SKOR2: variants seen among roughly 807,000 people sequenced by gnomAD.
SKOR2 encodes LBX1 corepressor 1-like protein.
A neutral mutation model predicts 69.1 loss-of-function variants in SKOR2; 47 were observed. The observed-to-expected ratio is 0.68, with a 90% CI of 0.54 to 0.87. The LOEUF (loss-of-function observed/expected upper bound fraction) is 0.87. SKOR2 is among the 40% of genes least tolerant of loss of function. SKOR2 has a pLI of 0.00. For missense variants in SKOR2, 1,404 were observed against 1,472.2 expected (o/e 0.95, Z 0.76); for synonymous variants, 717 against 672.6 (o/e 1.07, Z -1.02).
chr18:47,236,773 G>T (rs902554820), intron 4 of SKOR2, among the ~76,000 whole-genome samples: 1 of 151,976 alleles, frequency 6.6e-6, no homozygotes, highest in African/African-American at 2.4e-5. Context: ...CCAGTCGATG[G>T]TATTATTTTT....
intron 7 of SKOR2, 141 bp from the exon 8 acceptor site, chr18:47,212,292 T>C (rs1354429976): frequency 1.4e-6 from 1 of 706,096 alleles, no homozygotes; most frequent in Non-Finnish European, 2.0e-6. Context: ...TGCTCAGCGG[T>C]ATGAGGTTTC....
Position 47,245,478 on chromosome 18 carries a change from A to ATTTTTTAT in SKOR2, c.2677+19_2677+20insATAAAAAA. On this transcript the variant is annotated intron_variant, in intron 3 of 8. Transcript: ENST00000425639. Reference sequence around the variant, plus strand: ...ATGCAGGCAAGAAAAGTGGCAGCTGATTTTTTTTTTTTTTTTTACCTGAAA... The same window carrying ATTTTTTAT: ...ATGCAGGCAAGAAAAGTGGCAGCTGATTTTTTATTTTTTTTTTTTTTTTTTACCTGAAA... 1 of 1,194,644 alleles carries ATTTTTTAT rather than the reference A, an allele frequency of 8.4e-7. No homozygotes were observed. Among genetic ancestry groups the ATTTTTTAT allele is most frequent in the Non-Finnish European group, 1.1e-6 (1 of 933,368 alleles). The allele number at this position is 1,194,644 out of a possible 1,614,324, so 74.0% of individuals were successfully genotyped here. A position where few individuals can be genotyped will look rare whatever the true frequency, so the allele number is the denominator to read the frequency against.
intron 6 of SKOR2, among the ~76,000 whole-genome samples, chr18:47,221,552 C>A (rs180804909): frequency 1.9e-3 from 287 of 152,332 alleles, no homozygotes; most frequent in African/African-American, 6.5e-3. Flanking sequence ...TGTGCCTTTG[C>A]CCCTGCTGTG....
At chr18:47,227,326 A>ATTTTTTTTTTTT (rs778462203) in intron 6 of SKOR2, among the ~76,000 whole-genome samples, 1 of 91,132 alleles carries the variant, frequency 1.1e-5, no homozygotes, top group East Asian at 2.7e-4. Flanking sequence ...CAAGAAGCCA[A>ATTTTTTTTTTTT]TTTTTTTTTT....
chr18:47,207,467 C>A (rs2144469721), intron 8 of SKOR2, among the ~76,000 whole-genome samples: 1 of 152,278 alleles, frequency 6.6e-6, no homozygotes, highest in African/African-American at 2.4e-5. Context: ...AGACCACAGG[C>A]AACTTACTCA....
chr18:47,247,572 T>C lies in SKOR2; in HGVS notation c.1612A>G (p.Asn538Asp). ...PPGQPPQVVA[N>D]GPGSGPPPPA... ...GGAGGTGGGCCGGAGCCCGGGCCGTTGGCCACTACCTGCGGGGGCTGCCCC... is the reference window on the plus strand; with the variant it reads ...GGAGGTGGGCCGGAGCCCGGGCCGTCGGCCACTACCTGCGGGGGCTGCCCC... The change falls in exon 2 of 9, where the codon AAC becomes GAC. Residue 538 changes from asparagine (N) to aspartate (D), a missense_variant. By Grantham distance (23) the Asn-to-Asp change is conservative (BLOSUM62 1). Coordinates refer to ENST00000425639, the MANE Select transcript of SKOR2 (RefSeq NM_001278063.4). The surrounding 1 kb of genome is among the most constrained non-coding windows in gnomAD (Gnocchi z 6.6). 1.6e-6 allele frequency: 2 copies of C among 1,243,130 alleles called. No homozygotes were observed. The highest frequency in any genetic ancestry group is 2.0e-6 in the Non-Finnish European group (2 of 994,996). 77.0% of individuals were successfully genotyped at this position (1,243,130 alleles called of 1,614,324 possible). A position where few individuals can be genotyped will look rare whatever the true frequency, so the allele number is the denominator to read the frequency against.
Position 47,247,864 on chromosome 18 carries a change from G to GCCTGCGCCCGCGCCC in SKOR2, c.1305_1319dup (p.Gly440_Ala444dup). The GCCTGCGCCCGCGCCC allele has an allele frequency of 2.2e-6, 3 of 1,357,210 alleles. No homozygotes were observed. The highest frequency in any genetic ancestry group is 2.8e-6 in the Non-Finnish European group (3 of 1,064,944). The allele number at this position is 1,357,210 out of a possible 1,614,324, so 84.1% of individuals were successfully genotyped here. A position where few individuals can be genotyped will look rare whatever the true frequency, so the allele number is the denominator to read the frequency against. On this transcript the variant is annotated inframe_insertion, in exon 2 of 9. Coordinates refer to ENST00000425639, the MANE Select transcript of SKOR2 (RefSeq NM_001278063.4). This position sits in a 1 kb window ranked among gnomAD's most constrained non-coding sequence, Gnocchi z 6.6. ...CGGCCTTGGGCGCCGCGCCCGCGCCGCCTGCGCCCGCGCCCCCCAGGGCCT... is the reference window on the plus strand; with the variant it reads ...CGGCCTTGGGCGCCGCGCCCGCGCCGCCTGCGCCCGCGCCCCCTGCGCCCGCGCCCCCCAGGGCCT...
intron 6 of SKOR2, among the ~76,000 whole-genome samples, chr18:47,224,926 T>TA (rs1416527201): frequency 2.6e-5 from 4 of 151,784 alleles, no homozygotes; most frequent in Non-Finnish European, 5.9e-5. Flanking sequence ...AGCCAAAACT[T>TA]AAAAAAAAAT....
At chr18:47,220,104 GC>G in intron 6 of SKOR2, 94 bp from the exon 7 acceptor site, 3 of 1,008,116 alleles carry the variant, frequency 3.0e-6, no homozygotes, top group Admixed American at 5.4e-5. Flanking sequence ...CCCATGGACA[GC>G]CCCCCTACTT....
At chr18:47,208,180 C>T (rs1445077704) in intron 8 of SKOR2, among the ~76,000 whole-genome samples, 1 of 152,132 alleles carries the variant, frequency 6.6e-6, no homozygotes, top group Non-Finnish European at 1.5e-5. Context: ...CCCTCACCAC[C>T]AGCTAAGGAC....
At position 47,248,895 on chromosome 18, in the gene SKOR2, C is replaced by T. The variant is rs1338522313; in HGVS notation, c.289G>A (p.Val97Met). The T allele has an allele frequency of 1.3e-6, 2 of 1,567,598 alleles. No individual in the cohort carries two copies. The highest frequency in any genetic ancestry group is 2.7e-5 in the African/African-American group (2 of 74,276). The change falls in exon 2 of 9, where the codon GTG becomes ATG. Residue 97 changes from valine to methionine, a missense_variant. Around this residue, in one of 3 missense-constraint regions of SKOR2, gnomAD observed 34 missense variants for 66.6 expected, o/e 0.51. Coordinates refer to ENST00000425639, the MANE Select transcript of SKOR2 (RefSeq NM_001278063.4). This position sits in a 1 kb window ranked among gnomAD's most constrained non-coding sequence, Gnocchi z 6.4. Reference sequence around the variant, plus strand: ...GCACGCCGCAGGATCTCCAGTTGCACCGGCGTGCACTGCACACACGTGATG... The same window carrying T: ...GCACGCCGCAGGATCTCCAGTTGCATCGGCGTGCACTGCACACACGTGATG... ...LGITCVQCTP[V>M]QLEILRRAGA...
intron 1 of SKOR2, among the ~76,000 whole-genome samples, chr18:47,250,448 AAC>A (rs1193211361): frequency 6.6e-6 from 1 of 152,234 alleles, no homozygotes; most frequent in African/African-American, 2.4e-5. Flanking sequence ...TAGGAAAACA[AAC>A]ACTGATCTTT....
chr18:47,230,649 AT>A lies in SKOR2; in HGVS notation c.2819-93del, dbSNP rs749890901. On this transcript the variant is annotated intron_variant, in intron 5 of 8. Transcript: ENST00000425639. Reference sequence around the variant, plus strand: ...TGGCAATTTATTATTATAAGACAAAATATTTTACCAGTTTAAAAAGTGTTGC... The same window carrying A: ...TGGCAATTTATTATTATAAGACAAAAATTTTACCAGTTTAAAAAGTGTTGC... The A allele has an allele frequency of 6.3e-5, 54 of 855,754 alleles. No individual in the cohort carries two copies. The East Asian group carries it at 9.9e-4, about 16-fold the overall frequency. The allele number at this position is 855,754 out of a possible 1,614,324, so 53.0% of individuals were successfully genotyped here.
intron 4 of SKOR2, among the ~76,000 whole-genome samples, chr18:47,242,326 A>C (rs148115742): frequency 1.2e-3 from 178 of 152,280 alleles, no homozygotes; most frequent in Non-Finnish European, 7.9e-4. Flanking sequence ...AGTTTGTTCA[A>C]ATATATTTAT....
At chr18:47,209,950 G>C (rs868632263) in intron 8 of SKOR2, among the ~76,000 whole-genome samples, 6 of 152,218 alleles carry the variant, frequency 3.9e-5, no homozygotes, top group Middle Eastern at 6.8e-3. Flanking sequence ...AATTTGCTGG[G>C]CATGGTGGCG....
At position 47,246,839 on chromosome 18, in the gene SKOR2, A is replaced by G; in HGVS notation, c.2345T>C (p.Val782Ala). 1 of 1,475,538 alleles carries G rather than the reference A, an allele frequency of 6.8e-7. No homozygotes were observed. The highest frequency in any genetic ancestry group is 8.9e-7 in the Non-Finnish European group (1 of 1,118,928). 91.4% of individuals were successfully genotyped at this position (1,475,538 alleles called of 1,614,324 possible). The change falls in exon 2 of 9, where the codon GTC (valine) becomes GCC (alanine). Residue 782 changes from valine (V) to alanine (A), a missense_variant. By Grantham distance (64) the Val-to-Ala change is moderately conservative (BLOSUM62 0). This residue lies in a region of SKOR2 where 1,266 missense variants were observed against 1,309.9 expected (regional missense o/e 0.97). Transcript: ENST00000425639. Reference sequence around the variant, plus strand: ...GCCCTGGAGGAACCGGCCGCCCCCGACTAAGGGGTCGCCGAGTAGGACCTC... The same window carrying G: ...GCCCTGGAGGAACCGGCCGCCCCCGGCTAAGGGGTCGCCGAGTAGGACCTC... ...ETEVLLGDPL[V>A]GGGRFLQGRG...
chr18:47,245,657 T>C, intron 2 of SKOR2, 96 bp from the exon 3 acceptor site: 1 of 1,155,878 alleles, frequency 8.7e-7, no homozygotes, highest in African/African-American at 1.6e-5. Flanking sequence ...TAAAAGTGAC[T>C]CCATGGAGCC....
In SKOR2 at chr18:47,248,443, C is replaced by G. The variant is rs1477430104; in HGVS notation, c.741G>C (p.Pro247=). The G allele has an allele frequency of 3.3e-6, 5 of 1,534,814 alleles. No individual in the cohort carries two copies. In the South Asian group the frequency reaches 4.8e-5, roughly 15 times the overall value. ...GCGGGTGGCAGGCGGGGTGCGCGCC[C>G]GGCTGGGGCAGTGCGCGCTTGCGGC... ...GGSRKRALPQ[P]GAHPACHPLS... is the part of the protein sequence containing the mutation. The change falls in exon 2 of 9, where the codon CCG becomes CCC. Residue 247 remains proline (P), a synonymous_variant. Transcript: ENST00000425639. The surrounding 1 kb of genome is among the most constrained non-coding windows in gnomAD (Gnocchi z 6.4).
chr18:47,248,505 C>G lies in SKOR2; in HGVS notation c.679G>C (p.Ala227Pro), dbSNP rs1287960701. 1 of 1,536,864 alleles carries G rather than the reference C, an allele frequency of 6.5e-7. No individual in the cohort carries two copies. Among genetic ancestry groups the G allele is most frequent in the Non-Finnish European group, 8.7e-7 (1 of 1,146,800 alleles). Reference sequence around the variant, plus strand: ...AACATGGCCTTGACGTCCTCCCAGGCGAAGACCAGCTCGTCCTGGGGACTC... The same window carrying G: ...AACATGGCCTTGACGTCCTCCCAGGGGAAGACCAGCTCGTCCTGGGGACTC... ...DKSPQDELVF[A>P]WEDVKAMFNG... The change falls in exon 2 of 9, where the codon GCC becomes CCC. Residue 227 changes from alanine to proline, a missense_variant. This residue lies in a region of SKOR2 where 1,266 missense variants were observed against 1,309.9 expected (regional missense o/e 0.97). Coordinates refer to ENST00000425639, the MANE Select transcript of SKOR2 (RefSeq NM_001278063.4). The surrounding 1 kb of genome is among the most constrained non-coding windows in gnomAD (Gnocchi z 6.4).
Sources: gnomAD v4.1 joint callset for allele counts (sites outside exome capture counted in the v4.1 genomes callset) on GRCh38, gnomAD v4.1.1 for gene constraint, gnomAD v4.1.1 regional missense constraint, Gnocchi (gnomAD v3.1) non-coding constraint, MANE v1.5 for transcripts, NCBI Gene and HGNC (gene_info 2026-07-23, HGNC 2026-07-21) for gene names.